NOVA1: variants seen among roughly 807,000 people sequenced by gnomAD.
NOVA1 encodes the protein RNA-binding protein Nova-1.
A neutral mutation model predicts 38.0 loss-of-function variants in NOVA1; 7 were observed. The ratio of observed to expected loss-of-function variants is 0.18; its 90% confidence interval spans 0.10 to 0.35. The LOEUF is 0.35. NOVA1 is among the 10% of genes least tolerant of loss of function. The pLI, the probability that NOVA1 is intolerant of heterozygous loss-of-function variation, is 1.00. For missense variants in NOVA1, 460 were observed against 616.0 expected (o/e 0.75, Z 2.68); for synonymous variants, 270 against 232.5 (o/e 1.16, Z -1.47).
At chr14:26,530,080 T>C (rs1337475214) in intron 2 of NOVA1, among the ~76,000 whole-genome samples, 6 of 152,094 alleles carry the variant, frequency 3.9e-5, no homozygotes, top group South Asian at 2.1e-4. Flanking sequence ...CCACCACGCC[T>C]GGCTAATTTT....
chr14:26,575,727 CAT>C (rs1892798954), intron 2 of NOVA1, among the ~76,000 whole-genome samples: 1 of 151,682 alleles, frequency 6.6e-6, no homozygotes, highest in Non-Finnish European at 1.5e-5. Flanking sequence ...ACCAGTAAGA[CAT>C]AGTGATAAAA....
At chr14:26,500,198 A>G (rs1887147256) in intron 2 of NOVA1, among the ~76,000 whole-genome samples, 1 of 152,084 alleles carries the variant, frequency 6.6e-6, no homozygotes, top group Non-Finnish European at 1.5e-5. Context: ...ACTAGCCTGT[A>G]GAGCTCACAA....
chr14:26,550,663 T>A (rs1262481159), intron 2 of NOVA1, among the ~76,000 whole-genome samples: 1 of 152,188 alleles, frequency 6.6e-6, no homozygotes, highest in Non-Finnish European at 1.5e-5. Context: ...CTCCTAGCTC[T>A]AGGCACAGCT....
intron 2 of NOVA1, chr14:26,593,697 G>A (rs1288517992): frequency 5.3e-5 from 8 of 151,738 alleles, no homozygotes; most frequent in African/African-American, 9.7e-5. Flanking sequence ...CAATTTCAAT[G>A]TAATAAGCAA....
At chr14:26,506,851 A>T (rs1295571214) in intron 2 of NOVA1, among the ~76,000 whole-genome samples, 1 of 152,138 alleles carries the variant, frequency 6.6e-6, no homozygotes, top group Non-Finnish European at 1.5e-5. Flanking sequence ...AAGTGCTGGG[A>T]TTACAGGCAT....
At chr14:26,485,655 T>G (rs1217995372) in intron 2 of NOVA1, among the ~76,000 whole-genome samples, 1 of 152,126 alleles carries the variant, frequency 6.6e-6, no homozygotes, top group Non-Finnish European at 1.5e-5. Flanking sequence ...AACGAACATA[T>G]GCTAATGATT....
At chr14:26,581,900 TA>T (rs1893250213) in intron 2 of NOVA1, among the ~76,000 whole-genome samples, 1 of 151,930 alleles carries the variant, frequency 6.6e-6, no homozygotes, top group African/African-American at 2.4e-5. Flanking sequence ...CACTATCTTA[TA>T]TTCTTCATCT....
intron 2 of NOVA1, among the ~76,000 whole-genome samples, chr14:26,500,380 C>T (rs1156958010): frequency 6.6e-6 from 1 of 151,962 alleles, no homozygotes; most frequent in African/African-American, 2.4e-5. Flanking sequence ...GAGTGGGTCA[C>T]ACTTAACCAG....
chr14:26,515,606 GTTACT>G (rs1358142251), intron 2 of NOVA1, among the ~76,000 whole-genome samples: 1 of 151,834 alleles, frequency 6.6e-6, no homozygotes, highest in Non-Finnish European at 1.5e-5. Flanking sequence ...GTCTATCATG[GTTACT>G]TTACATTTTT....
chr14:26,562,683 TG>T (rs1891898001), intron 2 of NOVA1, among the ~76,000 whole-genome samples: 1 of 152,112 alleles, frequency 6.6e-6, no homozygotes, highest in Non-Finnish European at 1.5e-5. Flanking sequence ...CAAGATAATT[TG>T]CCTAATGAAA....
At chr14:26,524,036 C>A (rs1398253115) in intron 2 of NOVA1, among the ~76,000 whole-genome samples, 1 of 152,112 alleles carries the variant, frequency 6.6e-6, no homozygotes, top group Non-Finnish European at 1.5e-5. Flanking sequence ...TAGGCGGGAG[C>A]CACCACGCCT....
At chr14:26,526,932 C>T (rs1190656056) in intron 2 of NOVA1, among the ~76,000 whole-genome samples, 1 of 152,088 alleles carries the variant, frequency 6.6e-6, no homozygotes, top group Admixed American at 6.5e-5. Context: ...ATACGGCCAT[C>T]CCAAATGCAA....
intron 2 of NOVA1, among the ~76,000 whole-genome samples, chr14:26,496,164 T>G (rs1441936642): frequency 1.3e-5 from 2 of 151,134 alleles, no homozygotes; most frequent in Admixed American, 6.6e-5. Flanking sequence ...ACCTGTTGTT[T>G]CCTGACTTTT....
chr14:26,552,776 GAACA>G (rs1165848522), intron 2 of NOVA1, among the ~76,000 whole-genome samples: 26 of 152,232 alleles, frequency 1.7e-4, no homozygotes, highest in African/African-American at 6.3e-4. Context: ...GATGGGAAGA[GAACA>G]AATATACTAT....
At chr14:26,549,338 T>G (rs1331514990) in intron 2 of NOVA1, 2 of 151,874 alleles carry the variant, frequency 1.3e-5, no homozygotes, top group Non-Finnish European at 2.9e-5. Context: ...CAAGTTTTTT[T>G]TTTTTTTTTT....
chr14:26,484,278 CA>C (rs5807364), intron 2 of NOVA1, among the ~76,000 whole-genome samples: 4 of 148,656 alleles, frequency 2.7e-5, no homozygotes, highest in East Asian at 2.0e-4. Context: ...ACTAAAAATA[CA>C]AAAAAAAATA....
chr14:26,582,221 C>CA (rs1893269379), intron 2 of NOVA1, among the ~76,000 whole-genome samples: 1 of 151,640 alleles, frequency 6.6e-6, no homozygotes, highest in African/African-American at 2.4e-5. Context: ...TTTAAGTAGT[C>CA]AAAAAATGTT....
intron 2 of NOVA1, among the ~76,000 whole-genome samples, chr14:26,511,698 G>C (rs1255793476): frequency 6.6e-6 from 1 of 151,910 alleles, no homozygotes; most frequent in African/African-American, 2.4e-5. Flanking sequence ...GTTGCACTAA[G>C]CCGAGATAGC....
intron 2 of NOVA1, among the ~76,000 whole-genome samples, chr14:26,548,442 C>A (rs888689195): frequency 5.9e-5 from 9 of 151,802 alleles, no homozygotes; most frequent in Non-Finnish European, 1.2e-4. Context: ...CCAAATGACA[C>A]CATATTTAAT....
Sources: allele counts gnomAD v4.1 joint callset (sites outside exome capture counted in the v4.1 genomes callset), GRCh38; gene constraint gnomAD v4.1.1; transcripts MANE v1.5; gene names NCBI Gene and HGNC (gene_info 2026-07-23, HGNC 2026-07-21).